NRXN1: variants seen among roughly 807,000 people sequenced by gnomAD.
NRXN1 encodes neurexin-1.
A neutral mutation model predicts 150.9 loss-of-function variants in NRXN1; 39 were observed. That is an observed-to-expected ratio of 0.26 (90% CI 0.20 to 0.34). The LOEUF (loss-of-function observed/expected upper bound fraction) is 0.34, where lower values mean the gene tolerates loss of function less well. NRXN1 is among the 10% of genes least tolerant of loss of function. The pLI is 1.00. For missense variants in NRXN1, 1,815 were observed against 1,949.9 expected (o/e 0.93, Z 1.30); for synonymous variants, 924 against 757.0 (o/e 1.22, Z -3.62).
chr2:50,153,878 C>G (rs1490074677), intron 18 of NRXN1, among the ~76,000 whole-genome samples: 1 of 151,694 alleles, frequency 6.6e-6, no homozygotes, highest in Non-Finnish European at 1.5e-5. Flanking sequence ...AATCAAAACA[C>G]AGGTCTCTGG....
intron 21 of NRXN1, among the ~76,000 whole-genome samples, chr2:50,040,021 T>G (rs912158170): frequency 6.6e-6 from 1 of 152,156 alleles, no homozygotes; most frequent in Admixed American, 6.5e-5. Context: ...GGATAATATT[T>G]ACACAGTAAT....
At chr2:50,799,404 T>G (rs1226798951) in intron 5 of NRXN1, among the ~76,000 whole-genome samples, 1 of 152,084 alleles carries the variant, frequency 6.6e-6, no homozygotes, top group Non-Finnish European at 1.5e-5. Flanking sequence ...AGCCACAAAG[T>G]AGAGAGTCAG....
chr2:50,976,288 A>C (rs952923359), intron 2 of NRXN1, among the ~76,000 whole-genome samples: 6 of 150,922 alleles, frequency 4.0e-5, no homozygotes, highest in African/African-American at 1.5e-4. Context: ...ATTTCCTAAA[A>C]CTCTAAAAGA....
chr2:49,964,250 G>T (rs981821268), intron 21 of NRXN1, among the ~76,000 whole-genome samples: 4 of 152,098 alleles, frequency 2.6e-5, no homozygotes, highest in African/African-American at 9.7e-5. Context: ...TTTAGATTTT[G>T]ACAGAAAATT....
At chr2:50,675,867 C>G (rs1439158324) in intron 5 of NRXN1, among the ~76,000 whole-genome samples, 2 of 151,964 alleles carry the variant, frequency 1.3e-5, no homozygotes, top group Admixed American at 6.6e-5. Context: ...TTAGCTCCAT[C>G]AAGAGCAAGA....
At chr2:50,115,970 T>C (rs919862131) in intron 18 of NRXN1, among the ~76,000 whole-genome samples, 23 of 152,180 alleles carry the variant, frequency 1.5e-4, no homozygotes, top group African/African-American at 4.3e-4. Flanking sequence ...ATCTTTTTAA[T>C]ACTAGTAGTC....
At chr2:50,566,409 A>ATTTTTTT (rs35437819) in intron 8 of NRXN1, among the ~76,000 whole-genome samples, 54 of 130,050 alleles carry the variant, frequency 4.2e-4, no homozygotes, top group African/African-American at 1.4e-3. Context: ...ACGCCCAGCT[A>ATTTTTTT]TTTTTTTTTT....
At chr2:50,038,873 A>T (rs1361643318) in intron 21 of NRXN1, among the ~76,000 whole-genome samples, 1 of 150,540 alleles carries the variant, frequency 6.6e-6, no homozygotes, top group Admixed American at 6.7e-5. Flanking sequence ...AAATCTAGAC[A>T]GTCTTTCTTT....
intron 5 of NRXN1, among the ~76,000 whole-genome samples, chr2:50,627,963 T>C (rs1347814931): frequency 2.0e-5 from 3 of 151,834 alleles, no homozygotes; most frequent in Non-Finnish European, 4.4e-5. Flanking sequence ...TATGTCTTAG[T>C]AAGAAAATAA....
intron 17 of NRXN1, among the ~76,000 whole-genome samples, chr2:50,245,448 T>C (rs2066409550): frequency 6.6e-6 from 1 of 151,958 alleles, no homozygotes; most frequent in Non-Finnish European, 1.5e-5. Flanking sequence ...GTGAACTTTA[T>C]TAAAAAGTCT....
chr2:50,095,448 T>A (rs1250971308), intron 18 of NRXN1, among the ~76,000 whole-genome samples: 1 of 152,104 alleles, frequency 6.6e-6, no homozygotes, highest in South Asian at 2.1e-4. Flanking sequence ...CTGGAAAAAA[T>A]TCTTGCAGTT....
At chr2:50,516,982 C>T (rs1388428446) in intron 12 of NRXN1, among the ~76,000 whole-genome samples, 2 of 152,124 alleles carry the variant, frequency 1.3e-5, no homozygotes, top group Admixed American at 6.6e-5. Context: ...CATGTGCTGA[C>T]CAACTATATT....
chr2:50,542,644 T>A (rs1273070623), intron 9 of NRXN1, among the ~76,000 whole-genome samples: 3 of 152,180 alleles, frequency 2.0e-5, no homozygotes, highest in Admixed American at 1.3e-4. Flanking sequence ...AAACAATTAT[T>A]TTTATATTTT....
chr2:50,509,963 G>C (rs2092387292), intron 12 of NRXN1, among the ~76,000 whole-genome samples: 1 of 152,100 alleles, frequency 6.6e-6, no homozygotes, highest in South Asian at 2.1e-4. Context: ...ACAAACACCA[G>C]AGCGTCCCCT....
At chr2:49,981,543 C>T (rs1455804868) in intron 21 of NRXN1, among the ~76,000 whole-genome samples, 1 of 151,986 alleles carries the variant, frequency 6.6e-6, no homozygotes, top group Admixed American at 6.6e-5. Flanking sequence ...TCCTCTTCCC[C>T]CCCACTTTTC....
chr2:50,932,006 C>A (rs1172861945), intron 2 of NRXN1, among the ~76,000 whole-genome samples: 1 of 151,942 alleles, frequency 6.6e-6, no homozygotes, highest in African/African-American at 2.4e-5. Flanking sequence ...GGATTACAGG[C>A]ACCCACCACC....
chr2:50,897,767 T>G (rs191451731), intron 5 of NRXN1, among the ~76,000 whole-genome samples: 174 of 152,226 alleles, frequency 1.1e-3, no homozygotes, highest in Middle Eastern at 3.4e-3. Flanking sequence ...GTGAGAATGG[T>G]TTATAAAGGA....
chr2:50,820,019 C>T (rs1185230887), intron 5 of NRXN1, among the ~76,000 whole-genome samples: 3 of 151,996 alleles, frequency 2.0e-5, no homozygotes, highest in African/African-American at 7.2e-5. Flanking sequence ...GTCACTTTTT[C>T]CTTAAATTTA....
intron 5 of NRXN1, among the ~76,000 whole-genome samples, chr2:50,634,768 GT>G (rs1220217377): frequency 9.9e-5 from 15 of 152,092 alleles, no homozygotes; most frequent in Non-Finnish European, 2.1e-4. Flanking sequence ...GGCCCTTCCA[GT>G]TTATTGGGAA....
Sources: gnomAD v4.1 joint callset for allele counts (sites outside exome capture counted in the v4.1 genomes callset) on GRCh38, gnomAD v4.1.1 for gene constraint, MANE v1.5 for transcripts, NCBI Gene and HGNC (gene_info 2026-07-23, HGNC 2026-07-21) for gene names.